The following NOP56 variants were observed in gnomAD, a reference collection of about 807,000 sequenced individuals.
NOP56 encodes the protein NOP56 ribonucleoprotein.
In NOP56, 31 loss-of-function variants were observed where a neutral mutation model predicts 58.3. The ratio of observed to expected loss-of-function variants is 0.53; its 90% confidence interval spans 0.40 to 0.72. NOP56 has a LOEUF of 0.72. Ranked by LOEUF, NOP56 falls within the 30% of genes least tolerant of loss-of-function variation. The pLI is 0.00. For missense variants in NOP56, 669 were observed against 739.9 expected, an observed-to-expected ratio of 0.90 and a Z score of 1.11; for synonymous variants, 313 against 282.8, an observed-to-expected ratio of 1.11 and a Z score of -1.07.
Position 2,656,734 on chromosome 20 carries a change from C to T in NOP56, c.1160-40C>T, listed in dbSNP as rs536577733. 5.6e-6 allele frequency: 9 copies of T among 1,614,100 alleles called. No homozygotes were observed. The South Asian group carries it at 7.7e-5, about 14-fold the overall frequency. On this transcript the variant is annotated intron_variant, in intron 9 of 11. Coordinates refer to ENST00000329276, the MANE Select transcript of NOP56 (RefSeq NM_006392.4). ...GGAACACAGGGTTGGGGTAGTTTCT[C>T]TCTTTGGGCTGACAGGCTTTGTCAC...
Position 2,656,560 on chromosome 20 carries a change from G to A in NOP56, c.1159+11G>A. ...TCGATTGCTTCTCTGGTATGGGTGG[G>A]GGGGCGTTGGCAGGTGTGAGAAGGG... is the stretch of plus-strand genomic sequence containing the variant. On this transcript the variant is annotated intron_variant, in intron 9 of 11. Coordinates refer to ENST00000329276, the MANE Select transcript of NOP56 (RefSeq NM_006392.4). 1.9e-6 allele frequency: 3 copies of A among 1,613,564 alleles called. No homozygotes were observed. The South Asian group carries it at 3.3e-5, about 18-fold the overall frequency.
intron 3 of NOP56, chr20:2,654,130 G>A (rs954471238): frequency 7.9e-6 from 5 of 635,582 alleles, no homozygotes; most frequent in Admixed American, 3.6e-5. Context: ...CGAAATACTC[G>A]AGGGTGTGTT....
At chr20:2,657,042 A>G (rs2086831723) in intron 10 of NOP56, 39 bp from the exon 11 acceptor site, 1 of 1,614,172 alleles carries the variant, frequency 6.2e-7, no homozygotes, top group Non-Finnish European at 8.5e-7. Flanking sequence ...TCAGAGCACC[A>G]GAAGTCTTCA....
At chr20:2,653,932 C>T (rs376883219) in intron 3 of NOP56, 3 of 336,650 alleles carry the variant, frequency 8.9e-6, no homozygotes, top group East Asian at 1.5e-4. Flanking sequence ...AGGTTGCAGG[C>T]GCGAGCGACG....
Position 2,652,645 on chromosome 20 carries a change from C to G in NOP56, c.-16C>G. Reference sequence around the variant, plus strand: ...CGCGCTAGCCGCATTGCGAGCCGAACCCGGGAGCTGGCGCCATGGTGAGGA... The same window carrying G: ...CGCGCTAGCCGCATTGCGAGCCGAAGCCGGGAGCTGGCGCCATGGTGAGGA... On this transcript the variant is annotated 5_prime_UTR_variant, in exon 1 of 12. Transcript: ENST00000329276. 4.2e-6 allele frequency: 6 copies of G among 1,419,190 alleles called. No individual in the cohort carries two copies. The highest frequency in any genetic ancestry group is 1.8e-6 in the Non-Finnish European group (2 of 1,094,606). 87.9% of individuals were successfully genotyped at this position (1,419,190 alleles called of 1,614,324 possible). A position where few individuals can be genotyped will look rare whatever the true frequency, so the allele number is the denominator to read the frequency against.
At chr20:2,655,176 G>C (rs745935082) in intron 5 of NOP56, 149 bp from the exon 6 acceptor site, 6 of 1,150,080 alleles carry the variant, frequency 5.2e-6, no homozygotes, top group Non-Finnish European at 7.9e-6. Context: ...TGCCTGGTCT[G>C]TATTGTGAAT....
chr20:2,655,874 C>T lies in NOP56; in HGVS notation c.910-60C>T, dbSNP rs1215537852. 1.2e-5 allele frequency: 20 copies of T among 1,611,026 alleles called. No individual in the cohort carries two copies. The Admixed American group carries it at 3.0e-4, about 24-fold the overall frequency. On this transcript the variant is annotated intron_variant, in intron 7 of 11. Transcript: ENST00000329276. ...ATGGGGAGGTGGGGAGCAGGGCTGT[C>T]GTGCAACTGGGCAGGTCAGCAGTTC...
intron 11 of NOP56, chr20:2,657,475 G>A: frequency 1.5e-6 from 1 of 684,628 alleles, no homozygotes; most frequent in South Asian, 1.5e-5. Context: ...CCTCCCAGGA[G>A]TCCTCAACCT....
rs146011486 is a variant in NOP56 at position 2,656,903 on chromosome 20, G to C, written c.1281+8G>C. On this transcript the variant is annotated splice_region_variant and intron_variant, in intron 10 of 11. Coordinates refer to ENST00000329276, the MANE Select transcript of NOP56 (RefSeq NM_006392.4). ...AAGGAAGCAATGGTTCAGGTCAGTTGGGCTTTGCTGGGTGTGGAGTGGCAT... is the reference window on the plus strand; with the variant it reads ...AAGGAAGCAATGGTTCAGGTCAGTTCGGCTTTGCTGGGTGTGGAGTGGCAT... The C allele has an allele frequency of 6.2e-7, 1 of 1,614,096 alleles. No homozygotes were observed. Among genetic ancestry groups the C allele is most frequent in the African/African-American group, 1.3e-5 (1 of 75,034 alleles).
At position 2,655,528 on chromosome 20, in the gene NOP56, GGC is replaced by G; in HGVS notation, c.757+17_757+18del. Reference sequence around the variant, plus strand: ...TCCTCCATGGGTCAGTGCAGAGCCTGGCAACCTGCATAAGGTATGGGGCTCTA... The same window carrying G: ...TCCTCCATGGGTCAGTGCAGAGCCTGAACCTGCATAAGGTATGGGGCTCTA... On this transcript the variant is annotated intron_variant, in intron 6 of 11. Transcript: ENST00000329276. 6.2e-7 allele frequency: 1 copy of G among 1,614,072 alleles called. No homozygotes were observed. The highest frequency in any genetic ancestry group is 1.1e-5 in the South Asian group (1 of 91,070).
chr20:2,653,700 G>A, intron 3 of NOP56: 1 of 274,974 alleles, frequency 3.6e-6, no homozygotes, highest in Admixed American at 4.9e-5. Flanking sequence ...CCCCCAGGCT[G>A]GAGTGCAGTG....
Position 2,654,949 on chromosome 20 carries a change from TA to T in NOP56, c.569+5del, listed in dbSNP as rs772857554. 1 of 1,614,006 alleles carries T rather than the reference TA, an allele frequency of 6.2e-7. No homozygotes were observed. The highest frequency in any genetic ancestry group is 1.1e-5 in the South Asian group (1 of 91,082). On this transcript the variant is annotated splice_donor_region_variant and intron_variant, in intron 5 of 11. Transcript: ENST00000329276. ...CAATACCTTCTCTATGCGTGTCAGGTAAAGTGCAGGGGCCACCCATAATACT... is the reference window on the plus strand; with the variant it reads ...CAATACCTTCTCTATGCGTGTCAGGTAAGTGCAGGGGCCACCCATAATACT...
chr20:2,653,661 A>T (rs1020947796), intron 3 of NOP56: 22 of 378,248 alleles, frequency 5.8e-5, no homozygotes, highest in Middle Eastern at 7.7e-4. Context: ...ACTATTTTTT[A>T]TTTTTATTTT....
chr20:2,658,292 T>G lies in NOP56; in HGVS notation c.1783T>G (p.Ter595GluextTer17), dbSNP rs1371443851. 1 of 1,597,616 alleles carries G rather than the reference T, an allele frequency of 6.3e-7. No individual in the cohort carries two copies. Among genetic ancestry groups the G allele is most frequent in the South Asian group, 1.1e-5 (1 of 88,616 alleles). ...GTTCCATAAAGCATCCCAGGAAGAT[T>G]AGAATGCAAATGGACATTCTCTGGG... ...KKFHKASQED* is the reference protein window; with the variant it reads ...KKFHKASQEDE The change falls in exon 12 of 12, where the codon TAG becomes GAG. Residue 595 changes from the stop codon to glutamate (E), a stop_lost. Coordinates refer to ENST00000329276, the MANE Select transcript of NOP56 (RefSeq NM_006392.4).
chr20:2,653,919 C>T (rs1158801533), intron 3 of NOP56: 19 of 333,808 alleles, frequency 5.7e-5, no homozygotes, highest in South Asian at 3.8e-4. Context: ...TCCCAAGGTG[C>T]TGAGGTTGCA....
rs999847958 is a variant in NOP56 at position 2,657,278 on chromosome 20, C to G, written c.1419+60C>G. 6.2e-5 allele frequency: 100 copies of G among 1,609,014 alleles called. No individual in the cohort carries two copies. The South Asian group carries it at 1.1e-3, about 17-fold the overall frequency. ...GGTTGTAGGATTTTCAACAGCAGAA[C>G]AAAGGATATGCTGCATCAAGCTGTG... On this transcript the variant is annotated intron_variant, in intron 11 of 11. Coordinates refer to ENST00000329276, the MANE Select transcript of NOP56 (RefSeq NM_006392.4).
chr20:2,655,106 A>T, intron 5 of NOP56, 159 bp downstream of exon 5: 1 of 1,068,242 alleles, frequency 9.4e-7, no homozygotes, highest in Non-Finnish European at 1.4e-6. Flanking sequence ...TCTTACACTG[A>T]CTGTATAGAA....
intron 1 of NOP56, 49 bp from the exon 2 acceptor site, chr20:2,652,793 G>A (rs1036343933): frequency 1.9e-6 from 3 of 1,581,956 alleles, no homozygotes; most frequent in Admixed American, 3.6e-5. Flanking sequence ...AACGGGTTCC[G>A]GCAGACGCTG....
At chr20:2,655,032 T>C in intron 5 of NOP56, 85 bp downstream of exon 5, 4 of 1,526,474 alleles carry the variant, frequency 2.6e-6, no homozygotes, top group Non-Finnish European at 3.6e-6. Flanking sequence ...CTGACCATCC[T>C]GTGGGTAGAA....
Sources: allele counts gnomAD v4.1 joint callset, GRCh38; gene constraint gnomAD v4.1.1; transcripts MANE v1.5; gene names NCBI Gene and HGNC (gene_info 2026-07-23, HGNC 2026-07-21).